The following STEAP3 variants were observed in gnomAD, a reference collection of about 807,000 sequenced individuals.
STEAP3 encodes the protein STEAP3 metalloreductase.
In STEAP3, 35 loss-of-function variants were observed where a neutral mutation model predicts 34.9. That is an observed-to-expected ratio of 1.00 (90% CI 0.76 to 1.33). The LOEUF (loss-of-function observed/expected upper bound fraction) is 1.33. STEAP3 is among the 40% of genes most tolerant of loss of function. The probability of loss-of-function intolerance (pLI) is 0.00; values close to 1 mark genes in which losing one functional copy is unlikely to be tolerated. For synonymous variants in STEAP3, 281 were observed against 301.6 expected (o/e 0.93, Z 0.71); for missense variants, 652 against 667.6 (o/e 0.98, Z 0.26).
intron 1 of STEAP3, among the ~76,000 whole-genome samples, chr2:119,224,204 A>C (rs896169394): frequency 6.6e-6 from 1 of 152,100 alleles, no homozygotes; most frequent in East Asian, 1.9e-4. Flanking sequence ...GCCCCTCCGG[A>C]TGACCCCGGC....
chr2:119,243,260 T>C (rs1251613790), intron 2 of STEAP3, among the ~76,000 whole-genome samples: 2 of 152,244 alleles, frequency 1.3e-5, no homozygotes, highest in African/African-American at 4.8e-5. Flanking sequence ...ACATGTCCCC[T>C]GACTCTTGAC....
chr2:119,261,597 C>T (rs1289489675), intron 5 of STEAP3, among the ~76,000 whole-genome samples: 1 of 152,202 alleles, frequency 6.6e-6, no homozygotes, highest in Non-Finnish European at 1.5e-5. Context: ...GCTACTGCAA[C>T]TACTCAGCGC....
intron 5 of STEAP3, among the ~76,000 whole-genome samples, chr2:119,256,863 A>C (rs749755391): frequency 3.3e-5 from 5 of 152,228 alleles, no homozygotes; most frequent in Admixed American, 6.5e-5. Context: ...ACACCCCTGA[A>C]AAATGGAGTT....
chr2:119,242,857 G>A (rs764344745), intron 2 of STEAP3, among the ~76,000 whole-genome samples: 2 of 152,184 alleles, frequency 1.3e-5, no homozygotes, highest in Non-Finnish European at 2.9e-5. Context: ...TCCAGAGCCC[G>A]GCTCCTGGAC....
In STEAP3 at chr2:119,265,337, A is replaced by T. The variant is rs1573592211; in HGVS notation, c.*1999A>T. The T allele has an allele frequency of 6.6e-6, 1 of 152,258 alleles. No individual in the cohort carries two copies. Among genetic ancestry groups the T allele is most frequent in the Admixed American group, 6.5e-5 (1 of 15,284 alleles). 9.4% of individuals were successfully genotyped at this position (152,258 alleles called of 1,614,324 possible). A position where few individuals can be genotyped will look rare whatever the true frequency, so the allele number is the denominator to read the frequency against. On this transcript the variant is annotated 3_prime_UTR_variant, in exon 6 of 6. Coordinates refer to ENST00000393110, the MANE Select transcript of STEAP3 (RefSeq NM_182915.3). ...TATAAGGTGGGTGGCAGGAGGGAACAGGTGCCACCTGCTGGACAATCACAC... is the reference window on the plus strand; with the variant it reads ...TATAAGGTGGGTGGCAGGAGGGAACTGGTGCCACCTGCTGGACAATCACAC...
At chr2:119,261,965 A>G (rs2104852926) in intron 5 of STEAP3, among the ~76,000 whole-genome samples, 1 of 152,248 alleles carries the variant, frequency 6.6e-6, no homozygotes, top group African/African-American at 2.4e-5. Context: ...AACGGTCACT[A>G]ATCTCCTCCA....
Position 119,263,731 on chromosome 2 carries a change from C to T in STEAP3, c.*393C>T. On this transcript the variant is annotated 3_prime_UTR_variant, in exon 6 of 6. Coordinates refer to ENST00000393110, the MANE Select transcript of STEAP3 (RefSeq NM_182915.3). ...GTGCTGTGGTGGGTTCGATTTATCC[C>T]TGCCCACCCCACCCCCACAACTTCC... 1 of 332,544 alleles carries T rather than the reference C, an allele frequency of 3.0e-6. No individual in the cohort carries two copies. The highest frequency in any genetic ancestry group is 5.8e-6 in the Non-Finnish European group (1 of 173,500). 20.6% of individuals were successfully genotyped at this position (332,544 alleles called of 1,614,324 possible). A position where few individuals can be genotyped will look rare whatever the true frequency, so the allele number is the denominator to read the frequency against.
intron 2 of STEAP3, among the ~76,000 whole-genome samples, chr2:119,231,616 A>T (rs544442793): frequency 2.0e-5 from 3 of 152,214 alleles, no homozygotes; most frequent in African/African-American, 7.2e-5. Flanking sequence ...ACTCTTTTCC[A>T]TCAGACGAAA....
rs555667125 is a variant in STEAP3, at chr2:119,230,238, G to A, written c.-393-382G>A. On this transcript the variant is annotated intron_variant, in intron 1 of 5. Coordinates refer to ENST00000393110, the MANE Select transcript of STEAP3 (RefSeq NM_182915.3). ...AACCTCCAGCCTCCTTTGGGCTGCC[G>A]GTGTGGCCTCCAAGGTCCACTGAAA... Among the ~76,000 whole-genome samples the A allele has an allele frequency of 3.3e-5, 5 of 152,246 alleles. No individual in the cohort carries two copies. The East Asian group carries it at 9.7e-4, about 29-fold the overall frequency.
intron 4 of STEAP3, among the ~76,000 whole-genome samples, chr2:119,253,705 C>T (rs925618812): frequency 2.0e-5 from 3 of 152,136 alleles, no homozygotes; most frequent in Admixed American, 1.3e-4. Context: ...CTCATGAGGG[C>T]ACTATGCGAG....
Position 119,230,987 on chromosome 2 carries a change from G to T in STEAP3, c.-26G>T. Reference sequence around the variant, plus strand: ...ACGGTGAGGCTGTCGAGTGACCTGAGAGCCTCAGACCCTCACGTCAGCCGG... The same window carrying T: ...ACGGTGAGGCTGTCGAGTGACCTGATAGCCTCAGACCCTCACGTCAGCCGG... On this transcript the variant is annotated 5_prime_UTR_variant, in exon 2 of 6. Coordinates refer to ENST00000393110, the MANE Select transcript of STEAP3 (RefSeq NM_182915.3). The T allele has an allele frequency of 6.2e-7, 1 of 1,614,202 alleles. No homozygotes were observed. Among genetic ancestry groups the T allele is most frequent in the Non-Finnish European group, 8.5e-7 (1 of 1,180,008 alleles).
chr2:119,257,360 AG>A lies in STEAP3; in HGVS notation c.1215+2514del, dbSNP rs142753028. On this transcript the variant is annotated intron_variant, in intron 5 of 5. Coordinates refer to ENST00000393110, the MANE Select transcript of STEAP3 (RefSeq NM_182915.3). ...CCTCTTGGAGAAACAGAGATAACCC[AG>A]GCCTGCCTCCCATCCGTGGACTCAG... 5,061 of 1,368,370 alleles carry A rather than the reference AG, an allele frequency of 3.7e-3. 170 individuals carry two copies. The African/African-American group carries it at 0.068, about 19-fold the overall frequency. 84.8% of individuals were successfully genotyped at this position (1,368,370 alleles called of 1,614,324 possible).
chr2:119,243,581 G>A (rs74784440), intron 2 of STEAP3, among the ~76,000 whole-genome samples: 1 of 152,206 alleles, frequency 6.6e-6, no homozygotes, highest in African/African-American at 2.4e-5. Context: ...CCGAGGAAAG[G>A]CCTGACAGCA....
intron 1 of STEAP3, among the ~76,000 whole-genome samples, chr2:119,225,099 A>G (rs183319876): frequency 6.6e-6 from 1 of 152,318 alleles, no homozygotes; most frequent in Admixed American, 6.5e-5. Flanking sequence ...AAAGGGTCTC[A>G]CCTGGGTGTG....
chr2:119,257,142 G>A (rs1677796891), intron 5 of STEAP3, among the ~76,000 whole-genome samples: 1 of 152,166 alleles, frequency 6.6e-6, no homozygotes, highest in Non-Finnish European at 1.5e-5. Flanking sequence ...ATCACAAGCA[G>A]CATTTTAAAA....
At chr2:119,263,030 C>T in intron 5 of STEAP3, 27 bp from the exon 6 acceptor site, 1 of 1,595,534 alleles carries the variant, frequency 6.3e-7, no homozygotes, top group Non-Finnish European at 8.5e-7. Context: ...CCCTCGCCCT[C>T]ACTCCAGCCT....
intron 4 of STEAP3, among the ~76,000 whole-genome samples, chr2:119,250,743 C>A (rs1373618081): frequency 6.6e-6 from 1 of 152,160 alleles, no homozygotes; most frequent in Non-Finnish European, 1.5e-5. Context: ...CAAGGCTCTC[C>A]CTGATATTCT....
chr2:119,248,827 T>C (rs1397413428), intron 4 of STEAP3: 1 of 152,336 alleles, frequency 6.6e-6, no homozygotes, highest in Non-Finnish European at 1.5e-5. Context: ...CCTGACATTT[T>C]AAGTGGTTCT....
intron 5 of STEAP3, among the ~76,000 whole-genome samples, chr2:119,258,286 G>C (rs976882847): frequency 1.3e-5 from 2 of 152,054 alleles, no homozygotes; most frequent in South Asian, 2.1e-4. Flanking sequence ...CTTTTGGCTG[G>C]CTTCTTTACT....
Sources: allele counts gnomAD v4.1 joint callset (sites outside exome capture counted in the v4.1 genomes callset), GRCh38; gene constraint gnomAD v4.1.1; transcripts MANE v1.5; gene names NCBI Gene and HGNC (gene_info 2026-07-23, HGNC 2026-07-21).